The following SH2D1B variants were observed in gnomAD, a reference collection of about 807,000 sequenced individuals.
The protein encoded by SH2D1B is SH2 domain containing 1B.
Under a neutral mutation model 16.3 loss-of-function variants are expected in SH2D1B, and 11 were observed. The observed-to-expected ratio is 0.67, with a 90% CI of 0.42 to 1.11. SH2D1B has a LOEUF of 1.11. SH2D1B is among the 50% of genes most tolerant of loss of function. The probability of loss-of-function intolerance (pLI) is 0.00; values close to 1 mark genes in which losing one functional copy is unlikely to be tolerated. For synonymous variants in SH2D1B, 55 were observed against 56.1 expected (o/e 0.98, Z 0.09); for missense variants, 123 against 153.1 (o/e 0.80, Z 1.04).
At chr1:162,405,607 T>C (rs1648636533) in intron 1 of SH2D1B, among the ~76,000 whole-genome samples, 1 of 152,226 alleles carries the variant, frequency 6.6e-6, no homozygotes, top group African/African-American at 2.4e-5. Flanking sequence ...TCTCAATAAA[T>C]ATGTGGTGTC....
intron 1 of SH2D1B, among the ~76,000 whole-genome samples, chr1:162,406,327 A>C (rs951144182): frequency 2.6e-5 from 4 of 152,194 alleles, no homozygotes; most frequent in African/African-American, 9.7e-5. Context: ...AAAATAACCT[A>C]ATGTATGATA....
chr1:162,397,360 C>A, intron 3 of SH2D1B, 45 bp from the exon 4 acceptor site: 1 of 1,608,268 alleles, frequency 6.2e-7, no homozygotes, highest in South Asian at 1.1e-5. Flanking sequence ...TGAGACCACA[C>A]CCAGAAGTCA....
intron 2 of SH2D1B, among the ~76,000 whole-genome samples, chr1:162,401,262 G>A (rs1021978437): frequency 6.6e-6 from 1 of 151,906 alleles, no homozygotes; most frequent in African/African-American, 2.4e-5. Flanking sequence ...CCTCTATTTT[G>A]TCCACACAAG....
Position 162,396,459 on chromosome 1 carries a change from C to T in SH2D1B, c.*821G>A, listed in dbSNP as rs561682779. On this transcript the variant is annotated 3_prime_UTR_variant, in exon 4 of 4. Transcript: ENST00000367929. The stretch of plus-strand genomic sequence containing the variant: ...GTGGAAGATACAAGGGAGACCCAAC[C>T]GTGCTTTGATGGCACTTAGAACCTA... The T allele has an allele frequency of 2.3e-4, 35 of 152,334 alleles. No individual in the cohort carries two copies. The highest frequency in any genetic ancestry group is 7.0e-4 in the African/African-American group (29 of 41,560). 9.4% of individuals were successfully genotyped at this position (152,334 alleles called of 1,614,324 possible).
At chr1:162,403,511 A>AAAAAATAT (rs1648579325) in intron 1 of SH2D1B, among the ~76,000 whole-genome samples, 1 of 42,040 alleles carries the variant, frequency 2.4e-5, no homozygotes, top group African/African-American at 1.1e-4. Context: ...AAAAAAAAAA[A>AAAAAATAT]ATATATATAT....
intron 2 of SH2D1B, among the ~76,000 whole-genome samples, chr1:162,399,685 T>C (rs768823586): frequency 1.3e-5 from 2 of 152,150 alleles, no homozygotes; most frequent in Non-Finnish European, 2.9e-5. Context: ...CAGGCCCCTG[T>C]GTGTGTTGTT....
chr1:162,404,469 T>C (rs2101861569), intron 1 of SH2D1B, among the ~76,000 whole-genome samples: 1 of 152,310 alleles, frequency 6.6e-6, no homozygotes, highest in South Asian at 2.1e-4. Flanking sequence ...ATTTAGTCAT[T>C]CCACAACGTA....
chr1:162,407,823 A>C (rs1275241617), intron 1 of SH2D1B, among the ~76,000 whole-genome samples: 1 of 152,184 alleles, frequency 6.6e-6, no homozygotes, highest in African/African-American at 2.4e-5. Context: ...CCTCTTACTG[A>C]AATTAACTTC....
rs193120496 is a variant in SH2D1B, at chr1:162,408,925, T to C, written c.134+2958A>G. Reference sequence around the variant, plus strand: ...GAGCTCGAAATCAGCCTGGGCAACATAGCGAGACCCCATGTCTACAAAAAA... The same window carrying C: ...GAGCTCGAAATCAGCCTGGGCAACACAGCGAGACCCCATGTCTACAAAAAA... On this transcript the variant is annotated intron_variant, in intron 1 of 3. Transcript: ENST00000367929. Among the ~76,000 whole-genome samples, 65 of 151,966 alleles carry C rather than the reference T, an allele frequency of 4.3e-4. No individual in the cohort carries two copies. In the East Asian group the frequency reaches 9.3e-3, roughly 22 times the overall value.
At chr1:162,406,863 T>C (rs1557912004) in intron 1 of SH2D1B, among the ~76,000 whole-genome samples, 2 of 152,220 alleles carry the variant, frequency 1.3e-5, no homozygotes. Context: ...ATGAATCCTT[T>C]GCACCTCCTA....
rs757488849 is a variant in SH2D1B, at chr1:162,397,363, A to G, written c.364-48T>C. On this transcript the variant is annotated intron_variant, in intron 3 of 3. Coordinates refer to ENST00000367929, the MANE Select transcript of SH2D1B (RefSeq NM_053282.5). ...GAAGACCAGCCATGAGACCACACCC[A>G]GAAGTCATATCAAACAACCCCACTC... is the stretch of plus-strand genomic sequence containing the variant. The G allele has an allele frequency of 3.1e-6, 5 of 1,606,450 alleles. No individual in the cohort carries two copies. The South Asian group carries it at 5.5e-5, about 18-fold the overall frequency.
intron 2 of SH2D1B, among the ~76,000 whole-genome samples, chr1:162,399,905 C>T (rs1648467688): frequency 6.6e-6 from 1 of 152,194 alleles, no homozygotes; most frequent in Admixed American, 6.5e-5. Flanking sequence ...ATGCTTCCAA[C>T]TCTAATTTCG....
rs774783057 is a variant in SH2D1B at position 162,411,883 on chromosome 1, G to A, written c.134C>T (p.Ser45Leu). Residue 45 changes from serine (S) to leucine (L), a missense_variant and splice_region_variant, in exon 1 of 4, where the codon TCG (serine) becomes TTG (leucine). Ser to Leu is a moderately radical substitution (Grantham distance 145). Transcript: ENST00000367929. Reference sequence around the variant, plus strand: ...ATGTGTGCAAGATGAGGCTACTCACGAGACACAGAGGCACAGGACTCCTGG... The same window carrying A: ...ATGTGTGCAAGATGAGGCTACTCACAAGACACAGAGGCACAGGACTCCTGG... ...SIPGVLCLCV[S>L]FKNIVYTYRI... 3.8e-5 allele frequency: 61 copies of A among 1,614,106 alleles called. No individual in the cohort carries two copies. The South Asian group carries it at 4.7e-4, about 12-fold the overall frequency.
intron 1 of SH2D1B, among the ~76,000 whole-genome samples, chr1:162,408,413 TC>T (rs1178464971): frequency 1.1e-4 from 15 of 136,340 alleles, no homozygotes; most frequent in Admixed American, 1.0e-3. Flanking sequence ...TTTTTTCTCT[TC>T]TTTTTTTTTT....
rs78269035 is a variant in SH2D1B, at chr1:162,396,747, C to A, written c.*533G>T. The stretch of plus-strand genomic sequence containing the variant: ...TGCTGATCTGTATGCATCTCCATCA[C>A]TCCCGATCCCTCACCTTCACCTGAC... On this transcript the variant is annotated 3_prime_UTR_variant, in exon 4 of 4. Coordinates refer to ENST00000367929, the MANE Select transcript of SH2D1B (RefSeq NM_053282.5). 1.3e-5 allele frequency: 2 copies of A among 155,816 alleles called. No individual in the cohort carries two copies. The highest frequency in any genetic ancestry group is 4.8e-5 in the African/African-American group (2 of 41,448). The allele number at this position is 155,816 out of a possible 1,614,324, so 9.7% of individuals were successfully genotyped here. A position where few individuals can be genotyped will look rare whatever the true frequency, so the allele number is the denominator to read the frequency against.
Position 162,398,774 on chromosome 1 carries a change from C to T in SH2D1B, c.363+149G>A, listed in dbSNP as rs549212327. ...TCAGGGACTAAAAGACAGCACTTCT[C>T]AACAAAATGGAAATTGCTCTTAGTA... On this transcript the variant is annotated intron_variant, in intron 3 of 3. Transcript: ENST00000367929. The T allele has an allele frequency of 1.3e-5, 12 of 946,828 alleles. 1 individual carries two copies. In the African/African-American group the frequency reaches 1.3e-4, roughly 10 times the overall value. The allele number at this position is 946,828 out of a possible 1,614,324, so 58.7% of individuals were successfully genotyped here. A position where few individuals can be genotyped will look rare whatever the true frequency, so the allele number is the denominator to read the frequency against.
rs138355434 is a variant in SH2D1B, at chr1:162,403,033, T to G, written c.135-231A>C. On this transcript the variant is annotated intron_variant, in intron 1 of 3. Transcript: ENST00000367929. ...AAGCGATTCTCCTGCCTCAGCCTCC[T>G]GCGTAGCTGGGATTACAGGCACCCA... Among the ~76,000 whole-genome samples, 1,201 of 151,916 alleles carry G rather than the reference T, an allele frequency of 7.9e-3. 17 individuals carry two copies. The highest frequency in any genetic ancestry group is 0.027 in the African/African-American group (1,131 of 41,448).
chr1:162,400,361 A>G (rs1333054157), intron 2 of SH2D1B, among the ~76,000 whole-genome samples: 1 of 136,242 alleles, frequency 7.3e-6, no homozygotes, highest in Non-Finnish European at 1.5e-5. Context: ...GTGTGATCTC[A>G]GCTCACTGCA....
Position 162,402,754 on chromosome 1 carries a change from C to T in SH2D1B, c.183G>A (p.Gly61=). 6.2e-7 allele frequency: 1 copy of T among 1,613,706 alleles called. No individual in the cohort carries two copies. Among genetic ancestry groups the T allele is most frequent in the Non-Finnish European group, 8.5e-7 (1 of 1,179,676 alleles). ...YTYRIFREKH[G]YYRIQTAEGS... ...TTGTTCTTACCTGTATCCTGTAATA[C>T]CCGTGTTTCTCTCTGAAGATTCGGT... The change falls in exon 2 of 4, where the codon GGG becomes GGA. Residue 61 remains glycine, a synonymous_variant. Transcript: ENST00000367929.
Sources: allele counts gnomAD v4.1 joint callset (sites outside exome capture counted in the v4.1 genomes callset), GRCh38; gene constraint gnomAD v4.1.1; transcripts MANE v1.5; gene names NCBI Gene and HGNC (gene_info 2026-07-23, HGNC 2026-07-21).